CSMD1: variants seen among roughly 807,000 people sequenced by gnomAD.
The protein encoded by CSMD1 is CUB and Sushi multiple domains 1.
CSMD1 carries 213 observed loss-of-function variants against 417.5 expected under a neutral mutation model. The ratio of observed to expected loss-of-function variants is 0.51; its 90% CI spans 0.46 to 0.57. The LOEUF (loss-of-function observed/expected upper bound fraction) is 0.57, where lower values mean the gene tolerates loss of function less well. CSMD1 is among the 20% of genes least tolerant of loss of function. The pLI, the probability that CSMD1 is intolerant of heterozygous loss-of-function variation, is 0.00. For synonymous variants in CSMD1, 2,862 were observed against 1,736.8 expected (o/e 1.65, Z -16.11); for missense variants, 6,923 against 4,529.7 (o/e 1.53, Z -15.17).
chr8:3,489,408 C>T (rs150581880), intron 11 of CSMD1, among the ~76,000 whole-genome samples: 392 of 152,256 alleles, frequency 2.6e-3, no homozygotes, highest in African/African-American at 9.1e-3. Context: ...CACAGAACGT[C>T]CTGAATTAAT....
chr8:3,403,726 G>A (rs1812178180), intron 15 of CSMD1, among the ~76,000 whole-genome samples: 1 of 152,166 alleles, frequency 6.6e-6, no homozygotes, highest in South Asian at 2.1e-4. Context: ...CCAAGTCAGT[G>A]AAATATGCTT....
At position 4,547,484 on chromosome 8, in the gene CSMD1, A is replaced by G. The variant is rs558733862; in HGVS notation, c.302+89858T>C. ...ACTTTCATTATATGCAGCAGCCCACATTTCTGGCCTCTTTTTTTCTACCAG... is the reference window on the plus strand; with the variant it reads ...ACTTTCATTATATGCAGCAGCCCACGTTTCTGGCCTCTTTTTTTCTACCAG... On this transcript the variant is annotated intron_variant, in intron 2 of 69. Transcript: ENST00000635120. 2.0e-5 allele frequency among the ~76,000 whole-genome samples: 3 copies of G among 152,240 alleles called. No homozygotes were observed. In the East Asian group the frequency reaches 5.8e-4, roughly 29 times the overall value.
At chr8:3,993,800 T>G (rs1814943920) in intron 5 of CSMD1, among the ~76,000 whole-genome samples, 1 of 152,230 alleles carries the variant, frequency 6.6e-6, no homozygotes, top group Non-Finnish European at 1.5e-5. Flanking sequence ...CACAACCTGT[T>G]TGTTTCACTT....
chr8:3,005,723 G>A lies in CSMD1; in HGVS notation c.8030-5592C>T, dbSNP rs549249863. Among the ~76,000 whole-genome samples, 481 of 151,550 alleles carry A rather than the reference G, an allele frequency of 3.2e-3. 3 individuals are homozygous for A. Among genetic ancestry groups the A allele is most frequent in the African/African-American group, 0.011 (450 of 41,296 alleles). On this transcript the variant is annotated intron_variant, in intron 52 of 69. Transcript: ENST00000635120. ...AAGGCCTTTGACAAAATTCAACAAC[G>A]CTTCATGCTAAAAACTCTCAATAAA...
intron 3 of CSMD1, among the ~76,000 whole-genome samples, chr8:4,149,342 T>A (rs779347803): frequency 6.6e-6 from 1 of 152,206 alleles, no homozygotes. Flanking sequence ...TCACTCCAGT[T>A]TGCATTTCTA....
intron 4 of CSMD1, among the ~76,000 whole-genome samples, chr8:4,004,466 T>C (rs1034982124): frequency 1.8e-4 from 27 of 151,698 alleles, no homozygotes; most frequent in African/African-American, 6.3e-4. Flanking sequence ...TAAAATAAAA[T>C]GGCCTAATTT....
intron 3 of CSMD1, among the ~76,000 whole-genome samples, chr8:4,109,557 C>G (rs548131816): frequency 6.6e-6 from 1 of 152,252 alleles, no homozygotes; most frequent in Non-Finnish European, 1.5e-5. Context: ...AATTGACCAT[C>G]ATTTCCCAGT....
chr8:3,480,153 G>A (rs551744640), intron 11 of CSMD1, among the ~76,000 whole-genome samples: 38 of 152,136 alleles, frequency 2.5e-4, no homozygotes, highest in African/African-American at 8.9e-4. Flanking sequence ...GAGCTCAGGA[G>A]TTCAAGACCA....
chr8:4,651,471 G>C (rs188249094), intron 1 of CSMD1, among the ~76,000 whole-genome samples: 178 of 152,118 alleles, frequency 1.2e-3, no homozygotes, highest in Admixed American at 3.1e-3. Flanking sequence ...ATACTGGTGG[G>C]GGGAGGAATT....
intron 3 of CSMD1, among the ~76,000 whole-genome samples, chr8:4,231,982 T>C (rs1585065283): frequency 6.6e-6 from 1 of 152,200 alleles, no homozygotes; most frequent in Non-Finnish European, 1.5e-5. Context: ...AAAAGGCTAA[T>C]CATTTTGTAA....
chr8:3,237,146 C>G (rs893198662), intron 26 of CSMD1, among the ~76,000 whole-genome samples: 1 of 151,676 alleles, frequency 6.6e-6, no homozygotes, highest in African/African-American at 2.4e-5. Context: ...CTTTTTGCAA[C>G]TAGATAAGAG....
intron 2 of CSMD1, among the ~76,000 whole-genome samples, chr8:4,518,679 A>AT (rs537697038): frequency 0.11 from 16,243 of 151,302 alleles, 1,100 homozygotes; most frequent in Admixed American, 0.17. Flanking sequence ...TGACGAGTTA[A>AT]CGGTGCAGCA....
At chr8:4,459,216 C>T (rs918949227) in intron 2 of CSMD1, among the ~76,000 whole-genome samples, 5 of 152,184 alleles carry the variant, frequency 3.3e-5, no homozygotes, top group Admixed American at 2.6e-4. Flanking sequence ...CAAGTTCCAC[C>T]TATGTAGGAG....
chr8:4,592,093 T>G (rs1585300155), intron 2 of CSMD1, among the ~76,000 whole-genome samples: 1 of 152,052 alleles, frequency 6.6e-6, no homozygotes, highest in Non-Finnish European at 1.5e-5. Context: ...GACATGCTGG[T>G]AGATGTTTAA....
At chr8:3,012,507 A>C (rs75955398) in intron 52 of CSMD1, among the ~76,000 whole-genome samples, 8,738 of 152,282 alleles carry the variant, frequency 0.057, 263 homozygotes, top group Middle Eastern at 0.075. Flanking sequence ...CAATCTCAGG[A>C]AACAGTATTC....
At chr8:3,374,193 A>G (rs1585071251) in intron 18 of CSMD1, among the ~76,000 whole-genome samples, 1 of 152,000 alleles carries the variant, frequency 6.6e-6, no homozygotes, top group Non-Finnish European at 1.5e-5. Context: ...ACCTCAAGTC[A>G]TCTACCTGCC....
chr8:3,788,374 C>G (rs141520939), intron 5 of CSMD1, among the ~76,000 whole-genome samples: 1 of 152,308 alleles, frequency 6.6e-6, no homozygotes, highest in African/African-American at 2.4e-5. Flanking sequence ...CCTGTGCCCA[C>G]AGCAGCCTTC....
chr8:3,848,230 C>A (rs772417103), intron 5 of CSMD1, among the ~76,000 whole-genome samples: 5 of 152,180 alleles, frequency 3.3e-5, no homozygotes, highest in African/African-American at 9.7e-5. Context: ...ATTGATCCTG[C>A]CCTTAATACC....
At chr8:4,601,518 C>A (rs963115885) in intron 2 of CSMD1, among the ~76,000 whole-genome samples, 2 of 152,240 alleles carry the variant, frequency 1.3e-5, no homozygotes, top group Admixed American at 1.3e-4. Flanking sequence ...GGACAGAGAT[C>A]ATAAAGGAAC....
Sources: allele counts gnomAD v4.1 joint callset (sites outside exome capture counted in the v4.1 genomes callset), GRCh38; gene constraint gnomAD v4.1.1; transcripts MANE v1.5; gene names NCBI Gene and HGNC (gene_info 2026-07-23, HGNC 2026-07-21).